The following SLC24A2 variants were observed in gnomAD, a reference collection of about 807,000 sequenced individuals.
SLC24A2 encodes the protein solute carrier family 24 member 2, also known as sodium/potassium/calcium exchanger 2.
Under a neutral mutation model 62.0 loss-of-function variants are expected in SLC24A2, and 36 were observed. The ratio of observed to expected loss-of-function variants is 0.58; its 90% CI spans 0.44 to 0.77. SLC24A2 has a LOEUF of 0.77. Ranked by LOEUF, SLC24A2 falls within the 30% of genes least tolerant of loss-of-function variation. The pLI is 0.00. For synonymous variants in SLC24A2, 358 were observed against 294.0 expected, an observed-to-expected ratio of 1.22 and a Z score of -2.23; for missense variants, 846 against 817.9, an observed-to-expected ratio of 1.03 and a Z score of -0.42.
chr9:20,134,124 G>A, the SLC24A2 span, among the ~76,000 whole-genome samples: 9 of 152,266 alleles, frequency 5.9e-5, no homozygotes, highest in African/African-American at 2.2e-4. Flanking sequence ...TGTGGATATG[G>A]AGAGCCAGAA....
chr9:19,941,792 G>C, the SLC24A2 span, among the ~76,000 whole-genome samples: 3 of 152,096 alleles, frequency 2.0e-5, no homozygotes, highest in Non-Finnish European at 4.4e-5. Context: ...GAATGTGTCT[G>C]CCAGACCGTT....
chr9:19,569,916 A>G (rs1490061336), intron 7 of SLC24A2, among the ~76,000 whole-genome samples: 1 of 152,090 alleles, frequency 6.6e-6, no homozygotes. Flanking sequence ...CTTGAACTTC[A>G]GTCTCAGTTC....
chr9:20,227,815 C>G, the SLC24A2 span, among the ~76,000 whole-genome samples: 93 of 152,282 alleles, frequency 6.1e-4, no homozygotes, highest in African/African-American at 2.0e-3. Context: ...CACATACACA[C>G]ACATCTCCCA....
At chr9:19,812,581 T>C in the SLC24A2 span, among the ~76,000 whole-genome samples, 1 of 152,190 alleles carries the variant, frequency 6.6e-6, no homozygotes, top group South Asian at 2.1e-4. Context: ...CTCTAACATA[T>C]TAATCTTGCC....
At chr9:19,987,739 C>A in the SLC24A2 span, among the ~76,000 whole-genome samples, 1 of 152,204 alleles carries the variant, frequency 6.6e-6, no homozygotes, top group Admixed American at 6.5e-5. Flanking sequence ...TCCTGCATCA[C>A]ACATCAGTAT....
intron 8 of SLC24A2, among the ~76,000 whole-genome samples, chr9:19,536,178 CTTTTTTT>C (rs945200479): frequency 2.7e-5 from 4 of 145,740 alleles, no homozygotes; most frequent in Admixed American, 2.7e-4. Context: ...AAGAAATTTT[CTTTTTTT>C]TTAATTTTTT....
intron 2 of SLC24A2, among the ~76,000 whole-genome samples, chr9:19,715,075 G>GTAA (rs935013726): frequency 1.1e-4 from 16 of 151,760 alleles, no homozygotes; most frequent in South Asian, 4.2e-4. Context: ...ACCAAACACC[G>GTAA]TAATAATAAT....
chr9:19,682,985 T>TA (rs1394698106), intron 2 of SLC24A2, among the ~76,000 whole-genome samples: 1 of 149,130 alleles, frequency 6.7e-6, no homozygotes, highest in Non-Finnish European at 1.5e-5. Flanking sequence ...AGGTTTAGAG[T>TA]AAAAAATACA....
chr9:19,525,357 C>A (rs1034681433), intron 9 of SLC24A2, among the ~76,000 whole-genome samples: 1 of 134,606 alleles, frequency 7.4e-6, no homozygotes, highest in Non-Finnish European at 1.6e-5. Context: ...AAAAAGTGTA[C>A]AGTTCTGCAA....
chr9:19,880,102 C>G, the SLC24A2 span, among the ~76,000 whole-genome samples: 5 of 152,036 alleles, frequency 3.3e-5, no homozygotes, highest in African/African-American at 1.2e-4. Flanking sequence ...TGTGTATTTC[C>G]CTATGACTAT....
chr9:19,739,309 C>A (rs894191702), intron 2 of SLC24A2, among the ~76,000 whole-genome samples: 1 of 152,142 alleles, frequency 6.6e-6, no homozygotes, highest in African/African-American at 2.4e-5. Flanking sequence ...CAATTCTACT[C>A]AAAATTCTAT....
the SLC24A2 span, among the ~76,000 whole-genome samples, chr9:19,889,984 G>A: frequency 6.6e-6 from 1 of 151,898 alleles, no homozygotes; most frequent in Non-Finnish European, 1.5e-5. Context: ...CTAATATTTT[G>A]ATCCATACTT....
the SLC24A2 span, among the ~76,000 whole-genome samples, chr9:20,064,766 G>A: frequency 6.6e-6 from 1 of 152,126 alleles, no homozygotes; most frequent in African/African-American, 2.4e-5. Context: ...CAGAAATCAG[G>A]AAGAGCCAGG....
chr9:19,542,897 C>G (rs577231587), intron 8 of SLC24A2, among the ~76,000 whole-genome samples: 1 of 152,196 alleles, frequency 6.6e-6, no homozygotes, highest in African/African-American at 2.4e-5. Context: ...CTGAAATTTT[C>G]TTTTTTTGTT....
the SLC24A2 span, among the ~76,000 whole-genome samples, chr9:20,100,345 G>T: frequency 2.0e-5 from 3 of 152,140 alleles, no homozygotes; most frequent in African/African-American, 7.2e-5. Flanking sequence ...ACAAGCATAA[G>T]TCCCTATGCC....
the SLC24A2 span, among the ~76,000 whole-genome samples, chr9:19,965,462 C>T: frequency 6.6e-6 from 1 of 152,158 alleles, no homozygotes; most frequent in African/African-American, 2.4e-5. Context: ...CAACAACTTG[C>T]ACTATCATAC....
chr9:20,132,819 A>T, the SLC24A2 span, among the ~76,000 whole-genome samples: 1 of 152,138 alleles, frequency 6.6e-6, no homozygotes, highest in South Asian at 2.1e-4. Context: ...TCTGTTTTTA[A>T]AAATCTCAAA....
intron 2 of SLC24A2, among the ~76,000 whole-genome samples, chr9:19,750,050 C>G (rs1189330076): frequency 6.6e-6 from 1 of 152,308 alleles, no homozygotes; most frequent in South Asian, 2.1e-4. Flanking sequence ...GTTGCCCATG[C>G]TTCCCAGACC....
rs1253545931 is a variant in SLC24A2 at position 19,537,189 on chromosome 9, A to T, written c.1480-9051T>A. 9.5e-4 allele frequency among the ~76,000 whole-genome samples: 140 copies of T among 147,708 alleles called. 1 individual carries two copies. The highest frequency in any genetic ancestry group is 3.3e-3 in the African/African-American group (132 of 40,174). ...CTGATGGTAGTTTCTTTTGCTGTGC[A>T]GAAGCTCTTTAGTTTAATTAGATCC... is the stretch of plus-strand genomic sequence containing the variant. On this transcript the variant is annotated intron_variant, in intron 8 of 10. Transcript: ENST00000341998.
Sources: gnomAD v4.1 joint callset for allele counts (sites outside exome capture counted in the v4.1 genomes callset) on GRCh38, gnomAD v4.1.1 for gene constraint, MANE v1.5 for transcripts, NCBI Gene and HGNC (gene_info 2026-07-23, HGNC 2026-07-21) for gene names.